Variants in VPS13D observed in about 807,000 individuals in gnomAD.
The protein encoded by VPS13D is vacuolar protein sorting 13 homolog D.
VPS13D carries 187 observed loss-of-function variants against 461.9 expected under a neutral mutation model. The ratio of observed to expected loss-of-function variants is 0.40; its 90% confidence interval spans 0.36 to 0.46. The LOEUF (loss-of-function observed/expected upper bound fraction) is 0.46, where lower values mean the gene tolerates loss of function less well. VPS13D is among the 20% of genes least tolerant of loss of function. The pLI is 0.60. For synonymous variants in VPS13D, 1,951 were observed against 1,986.3 expected (o/e 0.98, Z 0.47); for missense variants, 4,711 against 5,364.9 (o/e 0.88, Z 3.81).
intron 67 of VPS13D, among the ~76,000 whole-genome samples, chr1:12,476,069 C>T (rs1056498893): frequency 6.6e-6 from 1 of 152,182 alleles, no homozygotes; most frequent in African/African-American, 2.4e-5. Context: ...TCACATAGCT[C>T]GTGGAACAGG....
chr1:12,304,840 C>CT, intron 26 of VPS13D, 112 bp downstream of exon 26: 1 of 1,053,774 alleles, frequency 9.5e-7, no homozygotes, highest in Non-Finnish European at 1.4e-6. Context: ...GAAGAGATAG[C>CT]ATTTCTTTAA....
chr1:12,362,755 G>A lies in VPS13D; in HGVS notation c.10177G>A (p.Asp3393Asn). 6.2e-7 allele frequency: 1 copy of A among 1,614,190 alleles called. No individual in the cohort carries two copies. Among genetic ancestry groups the A allele is most frequent in the Non-Finnish European group, 8.5e-7 (1 of 1,180,010 alleles). ...CAAGAAAGGCCGAGGTCGATACATT[G>A]ATACCTGCATGGTCATCTTTGCCCC... ...DVKKGRGRYI[D>N]TCMVIFAPRY... Residue 3393 changes from aspartate to asparagine, a missense_variant, in exon 51 of 70, where the codon GAT (aspartate) becomes AAT (asparagine). By Grantham distance (23) the Asp-to-Asn change is conservative. Around this residue, in one of 3 missense-constraint regions of VPS13D, gnomAD observed 4,411 missense variants for 4,937.8 expected, o/e 0.89. Transcript: ENST00000620676.
chr1:12,346,495 T>G, intron 43 of VPS13D, 110 bp from the exon 44 acceptor site: 2 of 1,033,710 alleles, frequency 1.9e-6, no homozygotes, highest in Non-Finnish European at 2.9e-6. Flanking sequence ...ATACTTTACT[T>G]GAAAGTATTT....
chr1:12,327,030 T>C (rs750315151), intron 35 of VPS13D, among the ~76,000 whole-genome samples: 7 of 152,200 alleles, frequency 4.6e-5, no homozygotes, highest in Non-Finnish European at 1.0e-4. Flanking sequence ...GTAATGTAGA[T>C]AATAGCAAAT....
At chr1:12,258,666 T>C (rs1054713530) in intron 10 of VPS13D, among the ~76,000 whole-genome samples, 1 of 152,224 alleles carries the variant, frequency 6.6e-6, no homozygotes, top group Non-Finnish European at 1.5e-5. Context: ...CTGCCTGCTC[T>C]CTTTTGGGGG....
chr1:12,346,553 T>C, intron 43 of VPS13D, 52 bp from the exon 44 acceptor site: 1 of 1,579,936 alleles, frequency 6.3e-7, no homozygotes, highest in Non-Finnish European at 8.6e-7. Flanking sequence ...GAATTTAACG[T>C]TGCTAATTAT....
intron 47 of VPS13D, among the ~76,000 whole-genome samples, chr1:12,355,437 T>C (rs1414117297): frequency 6.6e-6 from 1 of 152,198 alleles, no homozygotes; most frequent in Non-Finnish European, 1.5e-5. Flanking sequence ...TTTTTAGTAT[T>C]CTAATTAGAA....
At chr1:12,290,062 C>T (rs1468954385) in intron 22 of VPS13D, among the ~76,000 whole-genome samples, 1 of 152,168 alleles carries the variant, frequency 6.6e-6, no homozygotes, top group African/African-American at 2.4e-5. Context: ...GGCAACGGTT[C>T]AGAATATTCC....
intron 55 of VPS13D, 79 bp downstream of exon 55, chr1:12,373,937 C>T (rs1644161079): frequency 8.8e-7 from 1 of 1,135,050 alleles, no homozygotes; most frequent in Non-Finnish European, 1.2e-6. Context: ...AGTGCAGAGT[C>T]CTTATTTCAT....
intron 42 of VPS13D, among the ~76,000 whole-genome samples, chr1:12,343,832 C>G (rs1367026745): frequency 1.3e-5 from 2 of 152,312 alleles, no homozygotes; most frequent in East Asian, 3.9e-4. Context: ...GCATCTTGGC[C>G]TGATTTTCAT....
chr1:12,370,288 A>G (rs1644098185), intron 54 of VPS13D, among the ~76,000 whole-genome samples: 1 of 152,250 alleles, frequency 6.6e-6, no homozygotes, highest in African/African-American at 2.4e-5. Context: ...GGGCTTTCAG[A>G]AAGTAGTCAT....
chr1:12,501,635 A>G (rs1646036728), intron 68 of VPS13D, among the ~76,000 whole-genome samples: 1 of 152,222 alleles, frequency 6.6e-6, no homozygotes, highest in Non-Finnish European at 1.5e-5. Flanking sequence ...TAACGCATAC[A>G]TTTATTGAAT....
chr1:12,499,389 A>G (rs370206567), intron 68 of VPS13D: 1 of 900,616 alleles, frequency 1.1e-6, no homozygotes, highest in Non-Finnish European at 1.3e-6. Flanking sequence ...TGAGATTATA[A>G]ATTATTGCAT....
At position 12,495,853 on chromosome 1, in the gene VPS13D, G is replaced by C. The variant is rs1645949403; in HGVS notation, c.12663-1647G>C. On this transcript the variant is annotated intron_variant, in intron 67 of 69. Transcript: ENST00000620676. This position sits in a 1 kb window ranked among gnomAD's most constrained non-coding sequence, Gnocchi z 4.0. Reference sequence around the variant, plus strand: ...TTATTGGAATGACAGCAAGTGCTTTGCTAGGCAAGGAGATAAGAACAGAGC... The same window carrying C: ...TTATTGGAATGACAGCAAGTGCTTTCCTAGGCAAGGAGATAAGAACAGAGC... Among the ~76,000 whole-genome samples, 1 of 152,220 alleles carries C rather than the reference G, an allele frequency of 6.6e-6. No homozygotes were observed. The highest frequency in any genetic ancestry group is 1.5e-5 in the Non-Finnish European group (1 of 68,040).
At chr1:12,372,774 T>A (rs1644137774) in intron 54 of VPS13D, among the ~76,000 whole-genome samples, 2 of 152,034 alleles carry the variant, frequency 1.3e-5, no homozygotes, top group South Asian at 4.1e-4. Flanking sequence ...TGAAGACTAG[T>A]TTTTAACGCT....
At chr1:12,482,808 A>G (rs1008307926) in intron 67 of VPS13D, among the ~76,000 whole-genome samples, 1 of 150,368 alleles carries the variant, frequency 6.7e-6, no homozygotes, top group Non-Finnish European at 1.5e-5. Flanking sequence ...ATACTAGTAT[A>G]TATATATGAT....
chr1:12,314,032 G>T lies in VPS13D; in HGVS notation c.6936-83G>T. The T allele has an allele frequency of 1.1e-5, 14 of 1,241,240 alleles. No individual in the cohort carries two copies. In the South Asian group the frequency reaches 1.5e-4, roughly 13 times the overall value. The allele number at this position is 1,241,240 out of a possible 1,614,324, so 76.9% of individuals were successfully genotyped here. A position where few individuals can be genotyped will look rare whatever the true frequency, so the allele number is the denominator to read the frequency against. On this transcript the variant is annotated intron_variant, in intron 29 of 69. Coordinates refer to ENST00000620676, the MANE Select transcript of VPS13D (RefSeq NM_015378.4). ...GGGACTTAGATATATTTTTGATTTT[G>T]CTCGTTATCTCGAACTTATATACTT...
intron 67 of VPS13D, among the ~76,000 whole-genome samples, chr1:12,464,778 A>G (rs1256921984): frequency 6.6e-6 from 1 of 152,172 alleles, no homozygotes; most frequent in Non-Finnish European, 1.5e-5. Context: ...TTGTGGACCA[A>G]TATCCCCCAC....
rs1645312843 is a variant in VPS13D at position 12,455,410 on chromosome 1, A to G, written c.12334-588A>G. On this transcript the variant is annotated intron_variant, in intron 65 of 69. Transcript: ENST00000620676. ...AGTCCTGAAGCTCACTTCTCCCTCA[A>G]GACTATTTTGTTATACCTCTGATTT... 2.0e-5 allele frequency among the ~76,000 whole-genome samples: 3 copies of G among 152,184 alleles called. No homozygotes were observed. In the South Asian group the frequency reaches 6.2e-4, roughly 31 times the overall value.
Sources: gnomAD v4.1 joint callset for allele counts (sites outside exome capture counted in the v4.1 genomes callset) on GRCh38, gnomAD v4.1.1 for gene constraint, gnomAD v4.1.1 regional missense constraint, Gnocchi (gnomAD v3.1) non-coding constraint, MANE v1.5 for transcripts, NCBI Gene and HGNC (gene_info 2026-07-23, HGNC 2026-07-21) for gene names.